Variants in TSPAN18 observed in about 807,000 individuals in gnomAD.
The protein encoded by TSPAN18 is tetraspanin 18.
In TSPAN18, 14 loss-of-function variants were observed where a neutral mutation model predicts 27.3. The observed-to-expected ratio is 0.51, with a 90% CI of 0.34 to 0.80. TSPAN18 has a LOEUF of 0.80. Ranked by LOEUF, TSPAN18 falls within the 30% of genes least tolerant of loss-of-function variation. TSPAN18 has a pLI of 0.01. For missense variants in TSPAN18, 268 were observed against 323.9 expected (o/e 0.83, Z 1.32); for synonymous variants, 143 against 136.5 (o/e 1.05, Z -0.33).
intron 2 of TSPAN18, among the ~76,000 whole-genome samples, chr11:44,842,143 G>A (rs1046624807): frequency 1.3e-5 from 2 of 152,176 alleles, no homozygotes; most frequent in Admixed American, 1.3e-4. Context: ...TGAGAGGCTG[G>A]CAGAAGCCCC....
intron 3 of TSPAN18, chr11:44,897,899 C>T (rs1590651344): frequency 2.4e-6 from 3 of 1,269,914 alleles, no homozygotes; most frequent in East Asian, 5.6e-5. Context: ...GTCCCATCTC[C>T]ACTCTGATCC....
intron 3 of TSPAN18, among the ~76,000 whole-genome samples, chr11:44,889,209 C>T (rs890430323): frequency 6.6e-6 from 1 of 152,240 alleles, no homozygotes; most frequent in Admixed American, 6.5e-5. Context: ...GTCCTGGGGG[C>T]ACCCCCTTAG....
intron 3 of TSPAN18, among the ~76,000 whole-genome samples, chr11:44,862,258 C>T (rs1469737470): frequency 6.6e-6 from 1 of 152,236 alleles, no homozygotes; most frequent in East Asian, 1.9e-4. Flanking sequence ...GCAGCTCTGT[C>T]CTACATTTAG....
At chr11:44,858,822 G>A (rs1257330603) in intron 2 of TSPAN18, among the ~76,000 whole-genome samples, 1 of 152,192 alleles carries the variant, frequency 6.6e-6, no homozygotes, top group Non-Finnish European at 1.5e-5. Context: ...GGGCGACCCT[G>A]GTGAGCCCGC....
At chr11:44,918,822 C>G (rs1014809945) in intron 6 of TSPAN18, among the ~76,000 whole-genome samples, 1 of 151,752 alleles carries the variant, frequency 6.6e-6, no homozygotes. Context: ...ACTTCCTGCC[C>G]GGTCCTGTAG....
intron 2 of TSPAN18, among the ~76,000 whole-genome samples, chr11:44,775,129 T>C (rs1039001462): frequency 8.5e-5 from 13 of 152,202 alleles, no homozygotes; most frequent in Non-Finnish European, 2.9e-5. Flanking sequence ...GGTCGCCAGG[T>C]ACAGCAAATA....
At chr11:44,808,315 G>A (rs1856644172) in intron 2 of TSPAN18, among the ~76,000 whole-genome samples, 1 of 152,204 alleles carries the variant, frequency 6.6e-6, no homozygotes, top group Admixed American at 6.5e-5. Flanking sequence ...TCTTGAGGGT[G>A]GGTGTTTCTG....
intron 3 of TSPAN18, among the ~76,000 whole-genome samples, chr11:44,897,574 C>G (rs942777387): frequency 1.3e-5 from 2 of 152,194 alleles, no homozygotes; most frequent in African/African-American, 4.8e-5. Context: ...GGCCACTCCC[C>G]CGCTGGAGTG....
intron 1 of TSPAN18, among the ~76,000 whole-genome samples, chr11:44,762,489 G>A (rs1258214518): frequency 1.3e-5 from 2 of 152,220 alleles, no homozygotes; most frequent in African/African-American, 2.4e-5. Flanking sequence ...ACTCCAGAGC[G>A]TTTGCAGTGG....
At chr11:44,878,077 C>CA (rs1858387293) in intron 3 of TSPAN18, among the ~76,000 whole-genome samples, 2 of 151,946 alleles carry the variant, frequency 1.3e-5, no homozygotes, top group Admixed American at 6.5e-5. Flanking sequence ...AAACAAACAC[C>CA]AAAAACCAAA....
At chr11:44,873,121 TG>T (rs973102970) in intron 3 of TSPAN18, among the ~76,000 whole-genome samples, 1 of 152,214 alleles carries the variant, frequency 6.6e-6, no homozygotes, top group African/African-American at 2.4e-5. Flanking sequence ...TATGTGGTTG[TG>T]GGTTGTTGGA....
intron 1 of TSPAN18, among the ~76,000 whole-genome samples, chr11:44,738,932 C>T (rs867095474): frequency 6.6e-6 from 1 of 152,172 alleles, no homozygotes; most frequent in Non-Finnish European, 1.5e-5. Flanking sequence ...GAGTGTAAAA[C>T]CCAGGTAGTC....
intron 6 of TSPAN18, among the ~76,000 whole-genome samples, 183 bp downstream of exon 6, chr11:44,918,229 A>G (rs1474253567): frequency 6.6e-6 from 1 of 152,242 alleles, no homozygotes; most frequent in Non-Finnish European, 1.5e-5. Flanking sequence ...GAGAGACCCC[A>G]GTAAGCCTGT....
At chr11:44,795,736 G>A (rs998316287) in intron 2 of TSPAN18, among the ~76,000 whole-genome samples, 7 of 152,014 alleles carry the variant, frequency 4.6e-5, no homozygotes, top group African/African-American at 1.2e-4. Flanking sequence ...ACCAGACCCC[G>A]CTGGAGTCTT....
At position 44,867,416 on chromosome 11, in the gene TSPAN18, T is replaced by TTTTC. The variant is rs1283376825; in HGVS notation, c.-11+6947_-11+6948insTTTC. 4.3e-5 allele frequency among the ~76,000 whole-genome samples: 5 copies of TTTTC among 116,150 alleles called. 1 individual carries two copies. Among genetic ancestry groups the TTTTC allele is most frequent in the South Asian group, 3.1e-4 (1 of 3,202 alleles). 76.2% of individuals were successfully genotyped at this position (116,150 alleles called of 152,430 possible). On this transcript the variant is annotated intron_variant, in intron 3 of 9. Coordinates refer to ENST00000520358, the MANE Select transcript of TSPAN18 (RefSeq NM_130783.5). ...TTTTTTTTTTTTTTTTTTTTTTTTT[T>TTTTC]CAGACAGAGTCTCGCTCTGTCACCC...
intron 2 of TSPAN18, among the ~76,000 whole-genome samples, chr11:44,831,195 C>T (rs1357567916): frequency 6.6e-6 from 1 of 152,158 alleles, no homozygotes; most frequent in Non-Finnish European, 1.5e-5. Context: ...GAGGTAAGAT[C>T]CACTTTCTTC....
chr11:44,928,181 C>T (rs1004102877), intron 9 of TSPAN18, among the ~76,000 whole-genome samples: 9 of 152,172 alleles, frequency 5.9e-5, no homozygotes, highest in Admixed American at 2.0e-4. Context: ...GGTCTCCCTG[C>T]CCCACCACCC....
At chr11:44,793,256 G>C (rs1193357515) in intron 2 of TSPAN18, among the ~76,000 whole-genome samples, 1 of 152,198 alleles carries the variant, frequency 6.6e-6, no homozygotes, top group Non-Finnish European at 1.5e-5. Flanking sequence ...CACGCCTGCT[G>C]GTCATTGGCT....
intron 5 of TSPAN18, among the ~76,000 whole-genome samples, chr11:44,916,035 T>C (rs902874967): frequency 6.6e-6 from 1 of 152,080 alleles, no homozygotes; most frequent in Non-Finnish European, 1.5e-5. Flanking sequence ...GAGTGACACA[T>C]CCCCGCCACG....
Sources: allele counts gnomAD v4.1 joint callset (sites outside exome capture counted in the v4.1 genomes callset), GRCh38; gene constraint gnomAD v4.1.1; transcripts MANE v1.5; gene names NCBI Gene and HGNC (gene_info 2026-07-23, HGNC 2026-07-21).